NCOA2: variants seen among roughly 807,000 people sequenced by gnomAD.
The protein encoded by NCOA2 is class E basic helix-loop-helix protein 75.
NCOA2 carries 21 observed loss-of-function variants against 145.1 expected under a neutral mutation model. The ratio of observed to expected loss-of-function variants is 0.14; its 90% CI spans 0.10 to 0.21. NCOA2 has a LOEUF of 0.21. Among genes scored for constraint, NCOA2 ranks in the 10% least tolerant of loss-of-function variants. The pLI is 1.00. For missense variants in NCOA2, 1,472 were observed against 1,837.6 expected, an observed-to-expected ratio of 0.80 and a Z score of 3.64; for synonymous variants, 619 against 637.5, an observed-to-expected ratio of 0.97 and a Z score of 0.44.
intron 1 of NCOA2, among the ~76,000 whole-genome samples, chr8:70,333,657 CA>C (rs1332567930): frequency 1.3e-5 from 2 of 152,144 alleles, no homozygotes; most frequent in Non-Finnish European, 2.9e-5. Context: ...TGGACACAGC[CA>C]ACAAACCCAG....
chr8:70,281,915 T>C (rs1254061766), intron 2 of NCOA2, among the ~76,000 whole-genome samples: 4 of 152,236 alleles, frequency 2.6e-5, no homozygotes, highest in Non-Finnish European at 5.9e-5. Context: ...ATTCAAAGCC[T>C]TCCTAAAAGT....
chr8:70,113,591 G>A lies in NCOA2; in HGVS notation c.*41C>T. 6.5e-7 allele frequency: 1 copy of A among 1,550,378 alleles called. No individual in the cohort carries two copies. Among genetic ancestry groups the A allele is most frequent in the Non-Finnish European group, 8.7e-7 (1 of 1,145,744 alleles). ...TCCAGACTGGAAGTGTTTTGAGCAA[G>A]TGAGCCCGGTCAGCTGAAGAAGCAA... is the stretch of plus-strand genomic sequence containing the variant. On this transcript the variant is annotated 3_prime_UTR_variant, in exon 23 of 23. Transcript: ENST00000452400.
At chr8:70,430,896 G>GT in the NCOA2 span, among the ~76,000 whole-genome samples, 3 of 152,098 alleles carry the variant, frequency 2.0e-5, no homozygotes, top group Non-Finnish European at 4.4e-5. Context: ...TAAATAACGG[G>GT]TTTTTTTCTA....
intron 2 of NCOA2, among the ~76,000 whole-genome samples, chr8:70,226,753 G>A (rs1820689171): frequency 6.6e-6 from 1 of 151,036 alleles, no homozygotes; most frequent in Non-Finnish European, 1.5e-5. Context: ...CAGATACTTA[G>A]ATATTTTAGA....
chr8:70,234,265 T>C (rs1205300774), intron 2 of NCOA2, among the ~76,000 whole-genome samples: 1 of 152,230 alleles, frequency 6.6e-6, no homozygotes. Context: ...ACTCAGTGAA[T>C]GGACATTTGG....
intron 2 of NCOA2, among the ~76,000 whole-genome samples, chr8:70,217,613 A>T (rs1819749612): frequency 6.6e-6 from 1 of 151,528 alleles, no homozygotes; most frequent in Non-Finnish European, 1.5e-5. Context: ...AATTCCTCTC[A>T]GTAAGAAAAT....
chr8:70,446,082 A>G, the NCOA2 span, among the ~76,000 whole-genome samples: 1 of 152,198 alleles, frequency 6.6e-6, no homozygotes, highest in African/African-American at 2.4e-5. Flanking sequence ...ACACAAGTTA[A>G]ACATACAAGA....
chr8:70,309,772 G>A (rs1350638500), intron 1 of NCOA2, among the ~76,000 whole-genome samples: 2 of 152,014 alleles, frequency 1.3e-5, no homozygotes, highest in African/African-American at 2.4e-5. Context: ...GCAACATAGT[G>A]AGACACCATC....
chr8:70,290,820 AC>A (rs5892228), intron 2 of NCOA2, among the ~76,000 whole-genome samples: 5,167 of 152,164 alleles, frequency 0.034, 281 homozygotes, highest in African/African-American at 0.12. Flanking sequence ...TAAAAAAAAA[AC>A]AAAACTATAA....
the NCOA2 span, among the ~76,000 whole-genome samples, chr8:70,444,331 A>T: frequency 6.6e-6 from 1 of 152,182 alleles, no homozygotes; most frequent in African/African-American, 2.4e-5. Flanking sequence ...TAGTTGCCAG[A>T]GGTTAGGGAG....
the NCOA2 span, among the ~76,000 whole-genome samples, chr8:70,439,747 G>T: frequency 6.6e-6 from 1 of 152,166 alleles, no homozygotes; most frequent in Non-Finnish European, 1.5e-5. Context: ...CCGCGGAGGA[G>T]GCTTCTGCTG....
At chr8:70,279,055 G>A (rs1171628821) in intron 2 of NCOA2, among the ~76,000 whole-genome samples, 1 of 151,902 alleles carries the variant, frequency 6.6e-6, no homozygotes, top group Non-Finnish European at 1.5e-5. Context: ...AAGTAAAATG[G>A]CTTACCAAGC....
intron 2 of NCOA2, among the ~76,000 whole-genome samples, chr8:70,292,404 A>C (rs575905253): frequency 4.6e-5 from 7 of 152,018 alleles, no homozygotes; most frequent in Admixed American, 3.3e-4. Context: ...GCCGCCTGGG[A>C]ATCCCAAAGA....
intron 4 of NCOA2, among the ~76,000 whole-genome samples, chr8:70,179,604 A>G (rs571698777): frequency 6.6e-6 from 1 of 152,348 alleles, no homozygotes; most frequent in East Asian, 1.9e-4. Flanking sequence ...CAGCATTACT[A>G]CACTAAAACA....
chr8:70,440,256 A>G, the NCOA2 span, among the ~76,000 whole-genome samples: 252 of 151,884 alleles, frequency 1.7e-3, no homozygotes, highest in Non-Finnish European at 3.2e-3. Context: ...CAGCCTGGGC[A>G]ACAGAGCGAG....
intron 2 of NCOA2, among the ~76,000 whole-genome samples, chr8:70,290,990 T>A (rs1249512837): frequency 6.6e-6 from 1 of 152,190 alleles, no homozygotes; most frequent in East Asian, 1.9e-4. Context: ...AAAATCCTAC[T>A]AACTGACCCA....
chr8:70,175,135 A>AT (rs1353434682), intron 4 of NCOA2, among the ~76,000 whole-genome samples: 3 of 152,238 alleles, frequency 2.0e-5, no homozygotes, highest in East Asian at 1.9e-4. Flanking sequence ...CCCAACAGGC[A>AT]TTTTTTTCTA....
chr8:70,323,091 G>A (rs578063463), intron 1 of NCOA2, among the ~76,000 whole-genome samples: 1 of 152,258 alleles, frequency 6.6e-6, no homozygotes, highest in East Asian at 1.9e-4. Flanking sequence ...TAACGAATAC[G>A]TAAACTACTC....
intron 1 of NCOA2, among the ~76,000 whole-genome samples, chr8:70,347,535 G>A (rs973670392): frequency 1.3e-5 from 2 of 151,762 alleles, no homozygotes; most frequent in Admixed American, 6.6e-5. Context: ...ATATGTCTGC[G>A]GTCCCAGCTA....
Sources: gnomAD v4.1 joint callset for allele counts (sites outside exome capture counted in the v4.1 genomes callset) on GRCh38, gnomAD v4.1.1 for gene constraint, MANE v1.5 for transcripts, NCBI Gene and HGNC (gene_info 2026-07-23, HGNC 2026-07-21) for gene names.